Variants in GARIN1B observed in about 807,000 individuals in gnomAD.
GARIN1B encodes golgi associated RAB2 interactor 1B, also known as Golgi-associated RAB2 interactor protein 1B.
chr7:128,729,918 T>C, the GARIN1B span: 34 of 1,613,874 alleles, frequency 2.1e-5, no homozygotes, highest in East Asian at 2.7e-4. Flanking sequence ...ATTCTTCCCG[T>C]GAAGACAGCA....
At chr7:128,724,874 G>A in the GARIN1B span, 2 of 1,286,576 alleles carry the variant, frequency 1.6e-6, no homozygotes, top group Non-Finnish European at 2.0e-6. Context: ...AGCGCTTATA[G>A]CAACGAAGAG....
chr7:128,710,684 C>CT, the GARIN1B span, among the ~76,000 whole-genome samples: 1 of 140,944 alleles, frequency 7.1e-6, no homozygotes, highest in Non-Finnish European at 1.5e-5. Flanking sequence ...TTTTTCTTTT[C>CT]TTTTCCTTTT....
chr7:128,721,810 T>A, the GARIN1B span, among the ~76,000 whole-genome samples: 178 of 152,338 alleles, frequency 1.2e-3, no homozygotes, highest in African/African-American at 4.2e-3. Context: ...TTTTTCATCA[T>A]GAATGGGTAT....
chr7:128,729,753 A>T, the GARIN1B span: 1 of 795,108 alleles, frequency 1.3e-6, no homozygotes, highest in Non-Finnish European at 2.0e-6. Flanking sequence ...CTCTGACCTC[A>T]CAGAGGTGAG....
the GARIN1B span, chr7:128,731,221 C>T: frequency 9.3e-7 from 1 of 1,071,000 alleles, no homozygotes; most frequent in South Asian, 1.3e-5. Context: ...AAACTGCAAC[C>T]AAGGAAGAAT....
chr7:128,716,002 C>A, the GARIN1B span, among the ~76,000 whole-genome samples: 1 of 152,150 alleles, frequency 6.6e-6, no homozygotes, highest in Non-Finnish European at 1.5e-5. Context: ...AACAAAGAGG[C>A]AGTAAAAAGA....
chr7:128,710,690 CTT>C, the GARIN1B span, among the ~76,000 whole-genome samples: 3 of 146,188 alleles, frequency 2.1e-5, no homozygotes, highest in Non-Finnish European at 3.0e-5. Flanking sequence ...TTTTCTTTTC[CTT>C]TTTTTTTTTG....
chr7:128,728,244 C>T, the GARIN1B span, among the ~76,000 whole-genome samples: 1 of 152,116 alleles, frequency 6.6e-6, no homozygotes, highest in Non-Finnish European at 1.5e-5. Flanking sequence ...GAGTTCGAGA[C>T]CAGCCTAGCC....
the GARIN1B span, among the ~76,000 whole-genome samples, chr7:128,720,840 T>G: frequency 6.6e-6 from 1 of 152,222 alleles, no homozygotes; most frequent in African/African-American, 2.4e-5. Context: ...ATTCTTGTGT[T>G]AATAAAACAA....
At chr7:128,712,857 T>A in the GARIN1B span, among the ~76,000 whole-genome samples, 2 of 152,226 alleles carry the variant, frequency 1.3e-5, no homozygotes, top group Non-Finnish European at 2.9e-5. Flanking sequence ...TTAACCCTAT[T>A]TTCTTCACTG....
the GARIN1B span, among the ~76,000 whole-genome samples, chr7:128,717,464 C>A: frequency 2.5e-4 from 33 of 134,324 alleles, no homozygotes; most frequent in African/African-American, 8.7e-4. Context: ...TTTTTTGAGA[C>A]TGAGTCTCAA....
the GARIN1B span, among the ~76,000 whole-genome samples, chr7:128,725,537 A>G: frequency 6.6e-6 from 1 of 151,968 alleles, no homozygotes. Flanking sequence ...ATGCCTGGCT[A>G]ATTTTTGTAT....
chr7:128,730,838 G>A, the GARIN1B span, among the ~76,000 whole-genome samples: 1 of 151,980 alleles, frequency 6.6e-6, no homozygotes, highest in Non-Finnish European at 1.5e-5. Flanking sequence ...GTAGACACAG[G>A]GTTTCACCAT....
At chr7:128,718,980 A>C in the GARIN1B span, 1 of 1,614,208 alleles carries the variant, frequency 6.2e-7, no homozygotes, top group Admixed American at 1.7e-5. Context: ...CGACTGGTTC[A>C]AATTCTGCAA....
the GARIN1B span, among the ~76,000 whole-genome samples, chr7:128,722,264 C>T: frequency 6.6e-6 from 1 of 152,186 alleles, no homozygotes; most frequent in Non-Finnish European, 1.5e-5. Flanking sequence ...GAATGTAAGT[C>T]TGGCTTCAGC....
the GARIN1B span, chr7:128,723,220 C>T: frequency 3.3e-5 from 54 of 1,612,306 alleles, no homozygotes; most frequent in South Asian, 5.7e-4. Context: ...AACTCCAAGC[C>T]TCCCAGCCCA....
chr7:128,711,368 T>TG, the GARIN1B span, among the ~76,000 whole-genome samples: 1 of 152,032 alleles, frequency 6.6e-6, no homozygotes. Flanking sequence ...AGGTAGGACG[T>TG]GGTGTGGGAC....
chr7:128,716,691 C>T, the GARIN1B span: 49 of 788,236 alleles, frequency 6.2e-5, no homozygotes, highest in African/African-American at 7.6e-4. Flanking sequence ...GGGCAGTATC[C>T]TACCCTCAAC....
chr7:128,730,681 C>G, the GARIN1B span, among the ~76,000 whole-genome samples: 1 of 151,728 alleles, frequency 6.6e-6, no homozygotes, highest in African/African-American at 2.4e-5. Context: ...GAGTCTCACT[C>G]TATCACCCAG....
Sources: allele counts gnomAD v4.1 joint callset (sites outside exome capture counted in the v4.1 genomes callset), GRCh38; gene constraint gnomAD v4.1.1; transcripts MANE v1.5; gene names NCBI Gene and HGNC (gene_info 2026-07-23, HGNC 2026-07-21).